LCLAT1: variants seen among roughly 807,000 people sequenced by gnomAD.
LCLAT1 encodes the protein lysocardiolipin acyltransferase 1, also known as 1-AGP acyltransferase 8.
LCLAT1 carries 11 observed loss-of-function variants against 30.7 expected under a neutral mutation model. That is an observed-to-expected ratio of 0.36 (90% confidence interval 0.23 to 0.59). LCLAT1 has a LOEUF of 0.59. Ranked by LOEUF, LCLAT1 falls within the 20% of genes least tolerant of loss-of-function variation. LCLAT1 has a pLI of 0.77. For missense variants in LCLAT1, 402 were observed against 458.6 expected, an observed-to-expected ratio of 0.88 and a Z score of 1.13; for synonymous variants, 155 against 151.3, an observed-to-expected ratio of 1.02 and a Z score of -0.18.
chr2:30,575,262 T>C (rs1665943552), intron 5 of LCLAT1, among the ~76,000 whole-genome samples: 4 of 152,096 alleles, frequency 2.6e-5, no homozygotes, highest in South Asian at 2.1e-4. Context: ...GTGGCCTTTT[T>C]TTTTTGTCCA....
At chr2:30,493,982 C>T (rs1683971714) in intron 1 of LCLAT1, among the ~76,000 whole-genome samples, 1 of 151,886 alleles carries the variant, frequency 6.6e-6, no homozygotes, top group African/African-American at 2.4e-5. Flanking sequence ...GTGAGATCCT[C>T]CCATCTCTAC....
chr2:30,514,535 T>A (rs1308302176), intron 1 of LCLAT1, among the ~76,000 whole-genome samples: 1 of 152,204 alleles, frequency 6.6e-6, no homozygotes, highest in Non-Finnish European at 1.5e-5. Context: ...ATGTTAAATA[T>A]GTAAATACCA....
intron 2 of LCLAT1, among the ~76,000 whole-genome samples, 198 bp downstream of exon 2, chr2:30,525,953 GTTAGGGAATTGTATTGC>G (rs1685698200): frequency 6.6e-6 from 1 of 152,134 alleles, no homozygotes; most frequent in Non-Finnish European, 1.5e-5. Context: ...AGTTGTTATT[GTTAGGGAATTGTATTGC>G]TTAGGGAATG....
At chr2:30,572,046 G>T (rs1399458316) in intron 5 of LCLAT1, among the ~76,000 whole-genome samples, 1 of 152,182 alleles carries the variant, frequency 6.6e-6, no homozygotes, top group African/African-American at 2.4e-5. Context: ...ATTTGCCTCA[G>T]GAGAAGTATG....
intron 1 of LCLAT1, among the ~76,000 whole-genome samples, chr2:30,482,862 C>CA (rs1292635192): frequency 1.3e-5 from 2 of 151,748 alleles, no homozygotes; most frequent in African/African-American, 4.8e-5. Context: ...GGTTAAGAAG[C>CA]ACCCTCTCTG....
intron 5 of LCLAT1, among the ~76,000 whole-genome samples, chr2:30,601,891 CTATAGATATATATATA>C (rs141233635): frequency 0.13 from 19,195 of 149,540 alleles, 1,341 homozygotes; most frequent in South Asian, 0.23. Context: ...ATATATATAT[CTATAGATATATATATA>C]ATGTTAAACT....
At chr2:30,466,746 G>A (rs1245237905) in intron 1 of LCLAT1, among the ~76,000 whole-genome samples, 4 of 152,050 alleles carry the variant, frequency 2.6e-5, no homozygotes, top group African/African-American at 9.7e-5. Flanking sequence ...TTTTTAACAA[G>A]CTCCCCACCC....
chr2:30,456,555 G>T (rs1200232745), intron 1 of LCLAT1, among the ~76,000 whole-genome samples: 3 of 152,090 alleles, frequency 2.0e-5, no homozygotes, highest in Non-Finnish European at 4.4e-5. Context: ...TTTTGCTGTT[G>T]TGGGTGGGGG....
chr2:30,449,923 T>C (rs1681464629), intron 1 of LCLAT1, among the ~76,000 whole-genome samples: 1 of 152,216 alleles, frequency 6.6e-6, no homozygotes. Context: ...GTTAAGCTTG[T>C]TGTTTTGATA....
intron 5 of LCLAT1, among the ~76,000 whole-genome samples, chr2:30,575,776 G>A (rs1472636026): frequency 2.0e-5 from 3 of 152,190 alleles, no homozygotes; most frequent in South Asian, 4.1e-4. Context: ...TTAATTAAAT[G>A]TTTCCTTTAT....
At chr2:30,450,206 C>T (rs1681475446) in intron 1 of LCLAT1, among the ~76,000 whole-genome samples, 1 of 152,178 alleles carries the variant, frequency 6.6e-6, no homozygotes. Flanking sequence ...TGTGAGAGCA[C>T]ATAAAAGGGA....
At chr2:30,471,133 T>C (rs1682764580) in intron 1 of LCLAT1, among the ~76,000 whole-genome samples, 1 of 152,030 alleles carries the variant, frequency 6.6e-6, no homozygotes, top group Admixed American at 6.6e-5. Context: ...ATGCTGATCT[T>C]GAACTCCTGA....
chr2:30,606,814 G>A (rs1040470939), intron 5 of LCLAT1: 4 of 152,044 alleles, frequency 2.6e-5, no homozygotes, highest in African/African-American at 9.7e-5. Context: ...CTACAGAAAG[G>A]GAGAAAATTT....
intron 5 of LCLAT1, chr2:30,606,238 C>T: frequency 3.1e-6 from 1 of 321,700 alleles, no homozygotes; most frequent in South Asian, 2.4e-5. Flanking sequence ...AGAAAAAACT[C>T]TTAAAATTCA....
intron 3 of LCLAT1, among the ~76,000 whole-genome samples, chr2:30,557,932 A>G (rs1029531643): frequency 3.9e-5 from 6 of 152,240 alleles, no homozygotes; most frequent in African/African-American, 1.2e-4. Context: ...CCACTGGTCA[A>G]TTGAATATCC....
chr2:30,604,660 CAAAAAAAAAA>C lies in LCLAT1; in HGVS notation c.629-35443_629-35434del, dbSNP rs71405526. On this transcript the variant is annotated intron_variant, in intron 5 of 5. Coordinates refer to ENST00000379509, the MANE Select transcript of LCLAT1 (RefSeq NM_001002257.3). ...TTGGCGACAGAGTGAGACTCCGTCT[CAAAAAAAAAA>C]AAAAAAAAAAAAAGTAAACATCATT... Among the ~76,000 whole-genome samples the C allele has an allele frequency of 1.6e-4, 15 of 95,876 alleles. No homozygotes were observed. The East Asian group carries it at 1.6e-3, about 10-fold the overall frequency. The allele number at this position is 95,876 out of a possible 152,430, so 62.9% of individuals were successfully genotyped here.
chr2:30,601,314 T>A (rs1392465901), intron 5 of LCLAT1, among the ~76,000 whole-genome samples: 1 of 152,182 alleles, frequency 6.6e-6, no homozygotes, highest in Non-Finnish European at 1.5e-5. Context: ...ATCTGTATAG[T>A]TTTGCAAAAG....
At chr2:30,474,315 A>G (rs1013139029) in intron 1 of LCLAT1, among the ~76,000 whole-genome samples, 1 of 152,228 alleles carries the variant, frequency 6.6e-6, no homozygotes, top group African/African-American at 2.4e-5. Context: ...AATAGCTCCC[A>G]TCAAACAGAA....
intron 3 of LCLAT1, among the ~76,000 whole-genome samples, chr2:30,560,929 C>T (rs945337497): frequency 3.3e-5 from 5 of 152,052 alleles, no homozygotes; most frequent in African/African-American, 1.2e-4. Flanking sequence ...TTTTGCCCTT[C>T]ACTCTCATAT....
Sources: allele counts gnomAD v4.1 joint callset (sites outside exome capture counted in the v4.1 genomes callset), GRCh38; gene constraint gnomAD v4.1.1; transcripts MANE v1.5; gene names NCBI Gene and HGNC (gene_info 2026-07-23, HGNC 2026-07-21).